HVCN1: variants seen among roughly 807,000 people sequenced by gnomAD.
HVCN1 encodes the protein hydrogen voltage gated channel 1.
A neutral mutation model predicts 29.2 loss-of-function variants in HVCN1; 14 were observed. The ratio of observed to expected loss-of-function variants is 0.48; its 90% CI spans 0.32 to 0.75. HVCN1 has a LOEUF of 0.75. Ranked by LOEUF, HVCN1 falls within the 30% of genes least tolerant of loss-of-function variation. The pLI, the probability that HVCN1 is intolerant of heterozygous loss-of-function variation, is 0.04. For synonymous variants in HVCN1, 131 were observed against 133.2 expected (o/e 0.98, Z 0.11); for missense variants, 263 against 341.8 (o/e 0.77, Z 1.82).
chr12:110,660,126 C>T, intron 4 of HVCN1, among the ~76,000 whole-genome samples: 1 of 152,018 alleles, frequency 6.6e-6, no homozygotes, highest in East Asian at 1.9e-4. Flanking sequence ...CCTGTAATCC[C>T]AGCACTTTGG....
At position 110,703,078 on chromosome 12, in the gene HVCN1, G is replaced by A. The variant is rs986373739; in HGVS notation, c.-228-645C>T. On this transcript the variant is annotated intron_variant, in intron 1 of 4. Transcript: ENST00000546713. ...TCTGGGATTACAGGTGTGAGCCACC[G>A]CACCAGGCCCAGTAAACTATTTTAA... 1.3e-4 allele frequency among the ~76,000 whole-genome samples: 19 copies of A among 151,956 alleles called. 1 individual carries two copies. The highest frequency in any genetic ancestry group is 4.2e-4 in the South Asian group (2 of 4,818).
At chr12:110,674,725 G>A (rs185227025) in intron 3 of HVCN1, among the ~76,000 whole-genome samples, 24 of 152,110 alleles carry the variant, frequency 1.6e-4, no homozygotes, top group East Asian at 1.5e-3. Context: ...AGTGCTTTTC[G>A]TCTCCTGCCA....
At chr12:110,695,163 C>T (rs1323100234) in intron 2 of HVCN1, among the ~76,000 whole-genome samples, 1 of 152,130 alleles carries the variant, frequency 6.6e-6, no homozygotes, top group Admixed American at 6.6e-5. Context: ...AATCCCAGCA[C>T]TTTGGGAGGT....
intron 5 of HVCN1, among the ~76,000 whole-genome samples, chr12:110,654,091 A>AG (rs1325387418): frequency 6.6e-6 from 1 of 152,122 alleles, no homozygotes; most frequent in Non-Finnish European, 1.5e-5. Flanking sequence ...AAAAGTTGAG[A>AG]GAAAAAAAGA....
At chr12:110,698,173 AT>A (rs1003053148) in intron 2 of HVCN1, among the ~76,000 whole-genome samples, 11 of 151,684 alleles carry the variant, frequency 7.3e-5, no homozygotes, top group African/African-American at 2.7e-4. Flanking sequence ...TTGTATTATT[AT>A]TTTTTTGTTG....
chr12:110,666,447 G>GAAAAT (rs2068360799), intron 3 of HVCN1, among the ~76,000 whole-genome samples: 1 of 151,436 alleles, frequency 6.6e-6, no homozygotes. Context: ...GAAAAGAAAA[G>GAAAAT]AAAAGATCAA....
intron 3 of HVCN1, among the ~76,000 whole-genome samples, chr12:110,669,120 T>C (rs1187243774): frequency 1.3e-5 from 2 of 151,968 alleles, no homozygotes; most frequent in Admixed American, 1.3e-4. Flanking sequence ...ACTGACCTGA[T>C]TTCTTACCTT....
At chr12:110,682,119 C>A (rs1311743694) in intron 3 of HVCN1, among the ~76,000 whole-genome samples, 3 of 152,170 alleles carry the variant, frequency 2.0e-5, no homozygotes, top group Non-Finnish European at 2.9e-5. Context: ...TCCTAAGCAG[C>A]TGGGATTAGA....
At position 110,664,867 on chromosome 12, in the gene HVCN1, TG is replaced by T. The variant is rs553471068; in HGVS notation, c.22-3420del. The stretch of plus-strand genomic sequence containing the variant: ...TATAACTTTCAGGAAAAAAACTCCT[TG>T]GGGTGCTGTGAGCTGAACAACTACC... On this transcript the variant is annotated intron_variant, in intron 3 of 7. Coordinates refer to ENST00000242607, the MANE Select transcript of HVCN1 (RefSeq NM_032369.4). Among the ~76,000 whole-genome samples, 11 of 152,254 alleles carry T rather than the reference TG, an allele frequency of 7.2e-5. No homozygotes were observed. In the South Asian group the frequency reaches 2.3e-3, roughly 32 times the overall value.
intron 3 of HVCN1, among the ~76,000 whole-genome samples, chr12:110,672,996 T>C (rs2068635206): frequency 6.6e-6 from 1 of 152,188 alleles, no homozygotes; most frequent in Non-Finnish European, 1.5e-5. Flanking sequence ...GGGACATTGC[T>C]GAAAAGATAC....
chr12:110,701,812 G>A (rs192692427), intron 2 of HVCN1, among the ~76,000 whole-genome samples: 1 of 151,260 alleles, frequency 6.6e-6, no homozygotes, highest in Non-Finnish European at 1.5e-5. Context: ...AGCTGAGATC[G>A]TGCCATTGCA....
At chr12:110,669,668 G>A (rs2068504133) in intron 3 of HVCN1, among the ~76,000 whole-genome samples, 1 of 152,132 alleles carries the variant, frequency 6.6e-6, no homozygotes, top group Admixed American at 6.5e-5. Flanking sequence ...ACGTCACACT[G>A]TCTTAACAAC....
At chr12:110,662,266 C>A (rs2068204156) in intron 3 of HVCN1, among the ~76,000 whole-genome samples, 1 of 152,140 alleles carries the variant, frequency 6.6e-6, no homozygotes, top group Admixed American at 6.6e-5. Flanking sequence ...CCTTGCCCCC[C>A]ACACAGAATA....
intron 1 of HVCN1, among the ~76,000 whole-genome samples, chr12:110,703,416 T>A (rs1384962907): frequency 2.0e-5 from 3 of 151,246 alleles, no homozygotes; most frequent in Non-Finnish European, 2.9e-5. Flanking sequence ...AAATTAAAAA[T>A]TAAAAAAAAT....
intron 2 of HVCN1, among the ~76,000 whole-genome samples, chr12:110,698,120 G>A (rs1234301163): frequency 6.6e-6 from 1 of 152,114 alleles, no homozygotes; most frequent in Non-Finnish European, 1.5e-5. Flanking sequence ...GCTACTGTTC[G>A]TGGGTCAAGT....
intron 2 of HVCN1, among the ~76,000 whole-genome samples, chr12:110,700,045 G>T: frequency 6.6e-6 from 1 of 152,218 alleles, no homozygotes; most frequent in East Asian, 1.9e-4. Context: ...CCATAGACAC[G>T]TGCCGGCCAC....
At position 110,695,354 on chromosome 12, in the gene HVCN1, A is replaced by G. The variant is rs1566071214; in HGVS notation, c.-103-6646T>C. ...TAATTATAATTGTATAATTACATAT[A>G]TTTTGTTTATTTTGTGTACACACAC... On this transcript the variant is annotated intron_variant, in intron 2 of 4. Coordinates refer to the HVCN1 transcript ENST00000546713. 2.7e-5 allele frequency among the ~76,000 whole-genome samples: 4 copies of G among 148,234 alleles called. No homozygotes were observed. The Admixed American group carries it at 2.8e-4, about 10-fold the overall frequency.
intron 3 of HVCN1, among the ~76,000 whole-genome samples, chr12:110,663,634 T>G (rs199898242): frequency 4.0e-5 from 6 of 150,318 alleles, no homozygotes; most frequent in East Asian, 3.9e-4. Context: ...GAAAAAAAAT[T>G]TATCTACATG....
rs1192952979 is a variant in HVCN1 at position 110,661,740 on chromosome 12, C to T, written c.22-292G>A. Among the ~76,000 whole-genome samples, 5 of 152,218 alleles carry T rather than the reference C, an allele frequency of 3.3e-5. No individual in the cohort carries two copies. Among genetic ancestry groups the T allele is most frequent in the South Asian group, 2.1e-4 (1 of 4,830 alleles). On this transcript the variant is annotated intron_variant, in intron 3 of 7. Coordinates refer to ENST00000242607, the MANE Select transcript of HVCN1 (RefSeq NM_032369.4). This position sits in a 1 kb window ranked among gnomAD's most constrained non-coding sequence, Gnocchi z 6.2. Reference sequence around the variant, plus strand: ...CAGCCCGGTCCCAAAACACCCGCCACGGGCCCATGTGTGAATACCGGAAGG... The same window carrying T: ...CAGCCCGGTCCCAAAACACCCGCCATGGGCCCATGTGTGAATACCGGAAGG...
Sources: gnomAD v4.1 joint callset for allele counts (sites outside exome capture counted in the v4.1 genomes callset) on GRCh38, gnomAD v4.1.1 for gene constraint, Gnocchi (gnomAD v3.1) non-coding constraint, MANE v1.5 for transcripts, NCBI Gene and HGNC (gene_info 2026-07-23, HGNC 2026-07-21) for gene names.